Variants in SLC35F4 observed in about 807,000 individuals in gnomAD.
SLC35F4 encodes chromosome 14 open reading frame 36.
A neutral mutation model predicts 44.2 loss-of-function variants in SLC35F4; 24 were observed. That is an observed-to-expected ratio of 0.54 (90% confidence interval 0.39 to 0.76). The LOEUF (loss-of-function observed/expected upper bound fraction) is 0.76. Ranked by LOEUF, SLC35F4 falls within the 30% of genes least tolerant of loss-of-function variation. SLC35F4 has a pLI of 0.00. For synonymous variants in SLC35F4, 238 were observed against 223.6 expected (o/e 1.06, Z -0.57); for missense variants, 562 against 586.1 (o/e 0.96, Z 0.42).
At chr14:57,924,479 C>T (rs1332440960) in intron 1 of SLC35F4, among the ~76,000 whole-genome samples, 2 of 151,746 alleles carry the variant, frequency 1.3e-5, no homozygotes, top group African/African-American at 2.4e-5. Context: ...GACGGAGACT[C>T]GCTCTGTCAC....
intron 1 of SLC35F4, among the ~76,000 whole-genome samples, chr14:57,962,460 C>A (rs1193811488): frequency 6.6e-6 from 1 of 152,160 alleles, no homozygotes; most frequent in African/African-American, 2.4e-5. Flanking sequence ...CTCGGCCCTG[C>A]CTCAACCTAA....
At chr14:57,736,838 G>A (rs972358019) in intron 1 of SLC35F4, among the ~76,000 whole-genome samples, 1 of 152,114 alleles carries the variant, frequency 6.6e-6, no homozygotes, top group Non-Finnish European at 1.5e-5. Flanking sequence ...AGTGCAAATG[G>A]GAACTTACCC....
intron 1 of SLC35F4, among the ~76,000 whole-genome samples, chr14:57,755,480 G>C (rs571398337): frequency 6.6e-6 from 1 of 152,236 alleles, no homozygotes; most frequent in South Asian, 2.1e-4. Context: ...CTCCTTTGTA[G>C]GTGGGAGTTT....
intron 4 of SLC35F4, among the ~76,000 whole-genome samples, chr14:57,575,055 T>A (rs904644022): frequency 1.5e-4 from 23 of 152,078 alleles, no homozygotes; most frequent in Non-Finnish European, 1.5e-5. Context: ...CACATTAACA[T>A]CCATGAGAGG....
chr14:57,765,131 C>T (rs1183162921), intron 1 of SLC35F4, among the ~76,000 whole-genome samples: 1 of 152,178 alleles, frequency 6.6e-6, no homozygotes, highest in Non-Finnish European at 1.5e-5. Context: ...GAGCACACAA[C>T]TTACTTTCCA....
At chr14:57,588,871 C>A (rs890211150) in intron 3 of SLC35F4, among the ~76,000 whole-genome samples, 2 of 152,104 alleles carry the variant, frequency 1.3e-5, no homozygotes, top group Non-Finnish European at 2.9e-5. Flanking sequence ...AGATTTAAAT[C>A]TTGGTTCTAT....
chr14:57,608,786 CCGGGG>C (rs1211849174), intron 1 of SLC35F4, among the ~76,000 whole-genome samples: 25 of 14,670 alleles, frequency 1.7e-3, no homozygotes, highest in Admixed American at 6.9e-3. Flanking sequence ...CAAAAGATGG[CCGGGG>C]GGGGGCGGCG....
At chr14:57,883,160 C>A (rs886194753) in intron 1 of SLC35F4, among the ~76,000 whole-genome samples, 1 of 152,026 alleles carries the variant, frequency 6.6e-6, no homozygotes, top group Non-Finnish European at 1.5e-5. Context: ...TAAAGCAAAG[C>A]CTGGTATAGA....
At chr14:57,626,532 CA>C (rs1195634896) in intron 1 of SLC35F4, among the ~76,000 whole-genome samples, 2 of 151,976 alleles carry the variant, frequency 1.3e-5, no homozygotes, top group African/African-American at 4.8e-5. Flanking sequence ...AAAACTATAT[CA>C]AAAAAATTAT....
chr14:57,891,988 G>T (rs891714009), intron 1 of SLC35F4, among the ~76,000 whole-genome samples: 1 of 152,106 alleles, frequency 6.6e-6, no homozygotes, highest in Non-Finnish European at 1.5e-5. Flanking sequence ...CATACATATT[G>T]TTATAAAAGC....
At chr14:57,620,771 C>T (rs2072135047) in intron 1 of SLC35F4, among the ~76,000 whole-genome samples, 1 of 152,142 alleles carries the variant, frequency 6.6e-6, no homozygotes, top group South Asian at 2.1e-4. Context: ...CAGGGATGCC[C>T]TCTCTCACCA....
downstream of SLC35F4, among the ~76,000 whole-genome samples, chr14:57,974,902 C>G (rs1881171203): frequency 6.6e-6 from 1 of 152,068 alleles, no homozygotes; most frequent in African/African-American, 2.4e-5. Flanking sequence ...ATTTCCTAAC[C>G]CTAGCTAGGC....
At chr14:57,616,087 T>G (rs2071801625) in intron 1 of SLC35F4, among the ~76,000 whole-genome samples, 3 of 152,354 alleles carry the variant, frequency 2.0e-5, no homozygotes, top group African/African-American at 7.2e-5. Context: ...AATTTATCAT[T>G]TTAACTCTTT....
chr14:57,974,879 A>G (rs1476206064), downstream of SLC35F4, among the ~76,000 whole-genome samples: 1 of 152,186 alleles, frequency 6.6e-6, no homozygotes, highest in Non-Finnish European at 1.5e-5. Flanking sequence ...TGCTTGATGG[A>G]CCATATAAAA....
chr14:57,621,741 C>T (rs2072191835), intron 1 of SLC35F4, among the ~76,000 whole-genome samples: 1 of 151,484 alleles, frequency 6.6e-6, no homozygotes, highest in South Asian at 2.1e-4. Flanking sequence ...CATTACCATT[C>T]AGGACACAGG....
chr14:57,686,568 C>T (rs764514256), intron 1 of SLC35F4, among the ~76,000 whole-genome samples: 72 of 152,152 alleles, frequency 4.7e-4, no homozygotes, highest in Non-Finnish European at 3.2e-4. Context: ...TTGCTTTTGG[C>T]ACAGACTGCA....
upstream of SLC35F4, among the ~76,000 whole-genome samples, chr14:57,870,483 A>G (rs1398295797): frequency 6.6e-6 from 1 of 152,220 alleles, no homozygotes; most frequent in African/African-American, 2.4e-5. Flanking sequence ...TATCATGAGA[A>G]ATAAATGAGT....
intron 1 of SLC35F4, among the ~76,000 whole-genome samples, chr14:57,705,722 A>G (rs944266407): frequency 1.3e-5 from 2 of 152,166 alleles, no homozygotes; most frequent in African/African-American, 2.4e-5. Flanking sequence ...ATGTTTCACC[A>G]TCCCTTACTG....
At chr14:57,573,601 C>G (rs1041319832) in intron 4 of SLC35F4, among the ~76,000 whole-genome samples, 1 of 152,042 alleles carries the variant, frequency 6.6e-6, no homozygotes, top group Non-Finnish European at 1.5e-5. Context: ...CTAGACTCAT[C>G]AATACACACA....
Sources: gnomAD v4.1 joint callset for allele counts (sites outside exome capture counted in the v4.1 genomes callset) on GRCh38, gnomAD v4.1.1 for gene constraint, MANE v1.5 for transcripts, NCBI Gene and HGNC (gene_info 2026-07-23, HGNC 2026-07-21) for gene names.